The following GFPT2 variants were observed in gnomAD, a reference collection of about 807,000 sequenced individuals.
GFPT2 encodes the protein glutamine--fructose-6-phosphate aminotransferase [isomerizing] 2.
A neutral mutation model predicts 85.6 loss-of-function variants in GFPT2; 62 were observed. The ratio of observed to expected loss-of-function variants is 0.72; its 90% CI spans 0.59 to 0.90. The LOEUF (loss-of-function observed/expected upper bound fraction) is 0.90, where lower values mean the gene tolerates loss of function less well. Ranked by LOEUF, GFPT2 falls within the 40% of genes least tolerant of loss-of-function variation. The pLI is 0.00. For synonymous variants in GFPT2, 368 were observed against 344.5 expected (o/e 1.07, Z -0.75); for missense variants, 788 against 893.4 (o/e 0.88, Z 1.50).
chr5:180,307,407 TCACTTAGCA>T, intron 15 of GFPT2, 104 bp from the exon 16 acceptor site: 2 of 1,121,586 alleles, frequency 1.8e-6, no homozygotes, highest in East Asian at 4.8e-5. Flanking sequence ...TGAAACCGCA[TCACTTAGCA>T]CACTTTGCTT....
chr5:180,319,884 T>C (rs554517921), intron 9 of GFPT2, among the ~76,000 whole-genome samples: 54 of 152,168 alleles, frequency 3.5e-4, no homozygotes, highest in African/African-American at 1.2e-3. Flanking sequence ...AATGGGAAAC[T>C]CATCAGGACA....
chr5:180,304,853 C>G lies in GFPT2; in HGVS notation c.1761G>C (p.Gln587His). Residue 587 changes from glutamine (Q) to histidine (H), a missense_variant, in exon 17 of 19, where the codon CAG becomes CAC. Transcript: ENST00000253778. Reference sequence around the variant, plus strand: ...TCATAATGACCATGATGACGGGCATCTGCTTGTCAATCAGTGCCAGGGGCC... The same window carrying G: ...TCATAATGACCATGATGACGGGCATGTGCTTGTCAATCAGTGCCAGGGGCC... Reference protein sequence around the residue: ...KHGPLALIDKQMPVIMVIMKD... With the variant: ...KHGPLALIDKHMPVIMVIMKD... 1 of 1,613,444 alleles carries G rather than the reference C, an allele frequency of 6.2e-7. No homozygotes were observed. Among genetic ancestry groups the G allele is most frequent in the Non-Finnish European group, 8.5e-7 (1 of 1,179,328 alleles).
intron 17 of GFPT2, among the ~76,000 whole-genome samples, chr5:180,303,452 G>A (rs1007295371): frequency 2.0e-5 from 3 of 152,186 alleles, no homozygotes; most frequent in African/African-American, 4.8e-5. Flanking sequence ...GGGCGCGGGC[G>A]CAATGAGAGT....
intron 15 of GFPT2, 68 bp downstream of exon 15, chr5:180,312,362 T>G: frequency 2.4e-6 from 2 of 843,952 alleles, no homozygotes; most frequent in Non-Finnish European, 4.2e-6. Context: ...CAGGTGAGAG[T>G]CAACAGAGAA....
rs2127652138 is a variant in GFPT2 at position 180,323,851 on chromosome 5, A to G, written c.794+337T>C. On this transcript the variant is annotated intron_variant, in intron 9 of 18. Coordinates refer to ENST00000253778, the MANE Select transcript of GFPT2 (RefSeq NM_005110.4). The surrounding 1 kb of genome is among the most constrained non-coding windows in gnomAD (Gnocchi z 4.0). ...GCTGCACAGCATGCCCCGATCTGCT[A>G]GTTCTTCCAGAGAAGCTAGAGATTT... 6.6e-6 allele frequency among the ~76,000 whole-genome samples: 1 copy of G among 152,328 alleles called. No individual in the cohort carries two copies. Among genetic ancestry groups the G allele is most frequent in the South Asian group, 2.1e-4 (1 of 4,828 alleles).
intron 16 of GFPT2, among the ~76,000 whole-genome samples, chr5:180,306,672 G>A (rs1349750104): frequency 6.6e-6 from 1 of 152,184 alleles, no homozygotes; most frequent in East Asian, 1.9e-4. Flanking sequence ...GAAGTTTGAG[G>A]GGTAACAAGG....
chr5:180,339,272 C>T (rs1360512796), intron 1 of GFPT2, among the ~76,000 whole-genome samples: 10 of 148,982 alleles, frequency 6.7e-5, no homozygotes, highest in South Asian at 4.3e-4. Context: ...CCCAGCTACT[C>T]GGGAGGCTGG....
intron 9 of GFPT2, among the ~76,000 whole-genome samples, chr5:180,322,770 C>T (rs1235508265): frequency 6.6e-6 from 1 of 152,124 alleles, no homozygotes; most frequent in African/African-American, 2.4e-5. Flanking sequence ...GGCGCGGTGG[C>T]TCACACCTGT....
At chr5:180,344,006 C>T (rs545439769) in intron 1 of GFPT2, among the ~76,000 whole-genome samples, 154 of 152,350 alleles carry the variant, frequency 1.0e-3, no homozygotes, top group African/African-American at 3.4e-3. Flanking sequence ...CTGCTCAGGG[C>T]TCTTGTGGTT....
intron 15 of GFPT2, 119 bp from the exon 16 acceptor site, chr5:180,307,422 T>C: frequency 1.1e-6 from 1 of 947,684 alleles, no homozygotes; most frequent in Non-Finnish European, 1.6e-6. Context: ...TAGCACACTT[T>C]GCTTCCTCGC....
chr5:180,333,978 C>T (rs147587888), intron 4 of GFPT2, among the ~76,000 whole-genome samples: 6 of 152,266 alleles, frequency 3.9e-5, no homozygotes, highest in East Asian at 3.9e-4. Context: ...ATGGTCTGGG[C>T]GCAGTGTTTT....
chr5:180,317,056 T>TA lies in GFPT2; in HGVS notation c.960dup (p.Asn321Ter). On this transcript the variant is annotated frameshift_variant and splice_region_variant, in exon 11 of 19. Coordinates refer to ENST00000253778, the MANE Select transcript of GFPT2 (RefSeq NM_005110.4). LOFTEE classifies it high-confidence loss of function. ...TCCTTCTGCATAAACGCACTGAAGT[T>TA]ACCTGGTCAAATAAACGTCTGGTCA... 6.3e-7 allele frequency: 1 copy of TA among 1,580,250 alleles called. No homozygotes were observed. Among genetic ancestry groups the TA allele is most frequent in the Non-Finnish European group, 8.7e-7 (1 of 1,149,014 alleles).
chr5:180,341,797 G>A (rs958480558), intron 1 of GFPT2, among the ~76,000 whole-genome samples: 1 of 152,236 alleles, frequency 6.6e-6, no homozygotes, highest in African/African-American at 2.4e-5. Context: ...AGTGTCCCCA[G>A]TGAGGGCCGC....
At chr5:180,301,662 A>G (rs1020702660) in intron 18 of GFPT2, 54 bp from the exon 19 acceptor site, 42 of 1,401,088 alleles carry the variant, frequency 3.0e-5, no homozygotes, top group Middle Eastern at 1.8e-4. Context: ...GCAACATGCT[A>G]CCTCTCACAG....
At chr5:180,344,545 C>A (rs887727071) in intron 1 of GFPT2, among the ~76,000 whole-genome samples, 1 of 152,230 alleles carries the variant, frequency 6.6e-6, no homozygotes, top group African/African-American at 2.4e-5. Flanking sequence ...ATGACGCAGA[C>A]CTGCCTGGTT....
rs201598251 is a variant in GFPT2 at position 180,331,565 on chromosome 5, G to A, written c.341-12C>T. On this transcript the variant is annotated splice_polypyrimidine_tract_variant and intron_variant, in intron 4 of 18. Transcript: ENST00000253778. Reference sequence around the variant, plus strand: ...GATGACAACAAATTCTGAAAGAAAAGTTAAGAGAGAAATGCTATTGAGAAG... The same window carrying A: ...GATGACAACAAATTCTGAAAGAAAAATTAAGAGAGAAATGCTATTGAGAAG... The A allele has an allele frequency of 1.5e-5, 23 of 1,510,126 alleles. No individual in the cohort carries two copies. In the African/African-American group the frequency reaches 2.7e-4, roughly 18 times the overall value. The allele number at this position is 1,510,126 out of a possible 1,614,324, so 93.5% of individuals were successfully genotyped here.
rs1764157948 is a variant in GFPT2, at chr5:180,323,377, A to G, written c.794+811T>C. On this transcript the variant is annotated intron_variant, in intron 9 of 18. Coordinates refer to ENST00000253778, the MANE Select transcript of GFPT2 (RefSeq NM_005110.4). The surrounding 1 kb of genome is among the most constrained non-coding windows in gnomAD (Gnocchi z 4.0). ...CGGCCTGGTGTCCTCCCTGCCTCAC[A>G]GCACGGCCCTATTAGAGGCTGGTCG... Among the ~76,000 whole-genome samples, 1 of 152,080 alleles carries G rather than the reference A, an allele frequency of 6.6e-6. No homozygotes were observed. Among genetic ancestry groups the G allele is most frequent in the South Asian group, 2.1e-4 (1 of 4,818 alleles).
At chr5:180,329,409 C>G (rs1764267200) in intron 6 of GFPT2, among the ~76,000 whole-genome samples, 1 of 152,150 alleles carries the variant, frequency 6.6e-6, no homozygotes, top group Non-Finnish European at 1.5e-5. Context: ...CCGGTACTGT[C>G]CCAGGTAGGA....
Position 180,316,354 on chromosome 5 carries a change from G to C in GFPT2, c.1260C>G (p.Phe420Leu). The change falls in exon 13 of 19, where the codon TTC (phenylalanine) becomes TTG (leucine). Residue 420 changes from phenylalanine (F) to leucine (L), a missense_variant. Phe to Leu is a conservative substitution (Grantham distance 22). Transcript: ENST00000253778. ...TPVFRDDVCF[F>L]ISQSGETADT... Reference sequence around the variant, plus strand: ...TGTGTCCCTTACCTGACTGGCTGATGAAAAAGCAAACGTCATCCCTGAACA... The same window carrying C: ...TGTGTCCCTTACCTGACTGGCTGATCAAAAAGCAAACGTCATCCCTGAACA... 1 of 1,614,114 alleles carries C rather than the reference G, an allele frequency of 6.2e-7. No individual in the cohort carries two copies.
Sources: allele counts gnomAD v4.1 joint callset (sites outside exome capture counted in the v4.1 genomes callset), GRCh38; gene constraint gnomAD v4.1.1; non-coding constraint Gnocchi (gnomAD v3.1); transcripts MANE v1.5; gene names NCBI Gene and HGNC (gene_info 2026-07-23, HGNC 2026-07-21).